The following FAM178B variants were observed in gnomAD, a reference collection of about 807,000 sequenced individuals.
The protein encoded by FAM178B is family with sequence similarity 178 member B.
Under a neutral mutation model 91.7 loss-of-function variants are expected in FAM178B, and 82 were observed. The observed-to-expected ratio is 0.89, with a 90% CI of 0.75 to 1.07. The LOEUF is 1.07. FAM178B is among the 50% of genes least tolerant of loss of function. The pLI is 0.00. For missense variants in FAM178B, 769 were observed against 846.7 expected (o/e 0.91, Z 1.14); for synonymous variants, 368 against 359.4 (o/e 1.02, Z -0.27).
At chr2:96,949,997 G>A in intron 7 of FAM178B, 1 of 985,856 alleles carries the variant, frequency 1.0e-6, no homozygotes, top group African/African-American at 1.7e-5. Flanking sequence ...TCAGGGCTGG[G>A]TCCTGCACTC....
At chr2:96,983,025 C>T (rs753360945) in intron 1 of FAM178B, among the ~76,000 whole-genome samples, 1 of 151,760 alleles carries the variant, frequency 6.6e-6, no homozygotes, top group East Asian at 1.9e-4. Flanking sequence ...ACTGCAGGCA[C>T]ACACCACCAT....
intron 5 of FAM178B, among the ~76,000 whole-genome samples, chr2:96,962,807 G>A (rs1324641369): frequency 1.3e-5 from 2 of 152,214 alleles, no homozygotes; most frequent in African/African-American, 4.8e-5. Flanking sequence ...GGTCCTTTCT[G>A]TGACGGGCAG....
intron 7 of FAM178B, among the ~76,000 whole-genome samples, chr2:96,950,570 G>C (rs1192015684): frequency 1.3e-5 from 2 of 152,290 alleles, no homozygotes; most frequent in African/African-American, 4.8e-5. Flanking sequence ...GGACCAGCTG[G>C]AACTTGTGAC....
Position 96,902,615 on chromosome 2 carries a change from C to A in FAM178B, c.1650+5G>T. 1 of 1,548,930 alleles carries A rather than the reference C, an allele frequency of 6.5e-7. No individual in the cohort carries two copies. Among genetic ancestry groups the A allele is most frequent in the Non-Finnish European group, 8.7e-7 (1 of 1,144,912 alleles). On this transcript the variant is annotated splice_donor_5th_base_variant and intron_variant, in intron 13 of 16. Coordinates refer to ENST00000490605, the MANE Select transcript of FAM178B (RefSeq NM_001122646.3). ...TTCCTGCCCAGGCCTGAAGCAAACA[C>A]TCACCTGGGTCTTCTCTTGCCAGAG... is the stretch of plus-strand genomic sequence containing the variant.
Position 96,878,398 on chromosome 2 carries a change from G to A in FAM178B, c.1854+18C>T. The A allele has an allele frequency of 3.1e-6, 5 of 1,611,962 alleles. No individual in the cohort carries two copies. The highest frequency in any genetic ancestry group is 3.4e-6 in the Non-Finnish European group (4 of 1,178,506). On this transcript the variant is annotated intron_variant, in intron 15 of 16. Transcript: ENST00000490605. Reference sequence around the variant, plus strand: ...AGCTGGGCACCCCCACCACAGCCCTGCCCCTTGGGAGACTCACCCACTGGT... The same window carrying A: ...AGCTGGGCACCCCCACCACAGCCCTACCCCTTGGGAGACTCACCCACTGGT...
intron 14 of FAM178B, among the ~76,000 whole-genome samples, chr2:96,882,621 C>A (rs2153367453): frequency 6.6e-6 from 1 of 152,360 alleles, no homozygotes; most frequent in South Asian, 2.1e-4. Context: ...CCAGGCTGCA[C>A]TCCCTGCCTT....
At chr2:96,933,817 G>A (rs1456885139) in intron 8 of FAM178B, among the ~76,000 whole-genome samples, 2 of 152,180 alleles carry the variant, frequency 1.3e-5, no homozygotes, top group East Asian at 1.9e-4. Flanking sequence ...TGGGCAAGGG[G>A]GCAAGAGGGC....
chr2:96,916,881 T>C (rs1436639505), intron 12 of FAM178B, among the ~76,000 whole-genome samples: 1 of 152,218 alleles, frequency 6.6e-6, no homozygotes, highest in African/African-American at 2.4e-5. Context: ...TCTGCCCTTC[T>C]TCCTGGGGTC....
intron 12 of FAM178B, among the ~76,000 whole-genome samples, chr2:96,913,217 C>T (rs2081188675): frequency 6.6e-6 from 1 of 152,144 alleles, no homozygotes; most frequent in African/African-American, 2.4e-5. Flanking sequence ...GTGGGGGTGG[C>T]TGTTCGCTGG....
intron 14 of FAM178B, among the ~76,000 whole-genome samples, chr2:96,879,100 C>T (rs1002371796): frequency 2.0e-5 from 3 of 152,194 alleles, no homozygotes; most frequent in African/African-American, 7.2e-5. Context: ...ACTCTTGGTA[C>T]CCATTCACTT....
rs1246819382 is a variant in FAM178B, at chr2:96,923,523, A to T, written c.1254T>A (p.Ile418=). 2.6e-6 allele frequency: 4 copies of T among 1,551,678 alleles called. No homozygotes were observed. The highest frequency in any genetic ancestry group is 3.5e-6 in the Non-Finnish European group (4 of 1,146,988). ...ENEEQDAPQE[I]ALDISLGHIY... is the part of the protein sequence containing the mutation. ...TGTGGCCCAGGCTGATGTCCAAGGC[A>T]ATCTCTTGGGGAGCGTCCTGCTCCT... Residue 418 remains isoleucine (I), a synonymous_variant, in exon 10 of 17, where the codon ATT becomes ATA. Transcript: ENST00000490605.
chr2:96,899,354 T>C (rs913651036), intron 13 of FAM178B, among the ~76,000 whole-genome samples: 9 of 152,172 alleles, frequency 5.9e-5, no homozygotes, highest in African/African-American at 2.2e-4. Flanking sequence ...CATCTGGTGC[T>C]GTCTCCCCAG....
At chr2:96,887,797 G>T (rs996085748) in intron 14 of FAM178B, among the ~76,000 whole-genome samples, 1 of 152,348 alleles carries the variant, frequency 6.6e-6, no homozygotes, top group South Asian at 2.1e-4. Flanking sequence ...TAGAGTGTTA[G>T]GTTGGAAGCT....
chr2:96,952,315 G>A (rs147905944), intron 6 of FAM178B, among the ~76,000 whole-genome samples: 3 of 152,296 alleles, frequency 2.0e-5, no homozygotes, highest in African/African-American at 7.2e-5. Flanking sequence ...AGACATTCTG[G>A]GAAGGAAATA....
Position 96,986,373 on chromosome 2 carries a change from G to A in FAM178B, c.-60C>T, listed in dbSNP as rs960321804. On this transcript the variant is annotated 5_prime_UTR_variant, in exon 1 of 17. Transcript: ENST00000490605. ...GGTGGCGGGAATTCGCACGGCCTCAGAGGACGGGGCCAGCTAGCCGGGAAA... is the reference window on the plus strand; with the variant it reads ...GGTGGCGGGAATTCGCACGGCCTCAAAGGACGGGGCCAGCTAGCCGGGAAA... 7.9e-6 allele frequency: 12 copies of A among 1,519,338 alleles called. No individual in the cohort carries two copies. Among genetic ancestry groups the A allele is most frequent in the Middle Eastern group, 2.3e-4 (1 of 4,296 alleles). The allele number at this position is 1,519,338 out of a possible 1,614,324, so 94.1% of individuals were successfully genotyped here. A position where few individuals can be genotyped will look rare whatever the true frequency, so the allele number is the denominator to read the frequency against.
intron 12 of FAM178B, among the ~76,000 whole-genome samples, chr2:96,919,804 T>G (rs1235902135): frequency 6.6e-6 from 1 of 152,166 alleles, no homozygotes; most frequent in Non-Finnish European, 1.5e-5. Flanking sequence ...CTCTCCCAAC[T>G]GTGCACAGGC....
chr2:96,962,860 G>GC (rs1271579639), intron 5 of FAM178B, among the ~76,000 whole-genome samples: 2 of 152,170 alleles, frequency 1.3e-5, no homozygotes, highest in East Asian at 3.9e-4. Context: ...GCAGTGGTCA[G>GC]CCCCCACCCT....
At chr2:96,976,916 G>A (rs2082295870) in intron 1 of FAM178B, among the ~76,000 whole-genome samples, 1 of 151,470 alleles carries the variant, frequency 6.6e-6, no homozygotes, top group African/African-American at 2.4e-5. Context: ...GATGTGGGCT[G>A]GGCACAGTGG....
At chr2:96,892,949 A>G (rs1322516011) in intron 14 of FAM178B, among the ~76,000 whole-genome samples, 1 of 152,208 alleles carries the variant, frequency 6.6e-6, no homozygotes, top group African/African-American at 2.4e-5. Context: ...TCATAAACGC[A>G]CTAATATTAG....
Sources: allele counts gnomAD v4.1 joint callset (sites outside exome capture counted in the v4.1 genomes callset), GRCh38; gene constraint gnomAD v4.1.1; transcripts MANE v1.5; gene names NCBI Gene and HGNC (gene_info 2026-07-23, HGNC 2026-07-21).